Variants in BCL6 observed in about 807,000 individuals in gnomAD.
The protein encoded by BCL6 is BCL6 transcription repressor.
Under a neutral mutation model 59.5 loss-of-function variants are expected in BCL6, and 7 were observed. That is an observed-to-expected ratio of 0.12 (90% confidence interval 0.07 to 0.22). The LOEUF is 0.22. BCL6 is among the 10% of genes least tolerant of loss of function. BCL6 has a pLI of 1.00. For missense variants in BCL6, 685 were observed against 939.4 expected, an observed-to-expected ratio of 0.73 and a Z score of 3.54; for synonymous variants, 339 against 349.7, an observed-to-expected ratio of 0.97 and a Z score of 0.34.
intron 1 of BCL6, among the ~76,000 whole-genome samples, chr3:187,738,704 C>T (rs1719402785): frequency 6.6e-6 from 1 of 152,220 alleles, no homozygotes; most frequent in Admixed American, 6.5e-5. Flanking sequence ...AGGCCGCAGT[C>T]TGGTCCTAAA....
At chr3:187,737,546 G>T (rs1168242848) in intron 1 of BCL6, 1 of 152,478 alleles carries the variant, frequency 6.6e-6, no homozygotes, top group East Asian at 1.9e-4. Context: ...AGCCCTGCGC[G>T]CCGGGGCAAG....
intron 1 of BCL6, among the ~76,000 whole-genome samples, chr3:187,743,521 CT>C (rs1043797432): frequency 2.0e-5 from 3 of 151,816 alleles, no homozygotes; most frequent in Non-Finnish European, 4.4e-5. Context: ...CACAGAGGGT[CT>C]TTTTTCATTT....
chr3:187,728,405 C>T lies in BCL6; in HGVS notation c.1495G>A (p.Glu499Lys). ...TCAGACTGGGTCTCTCCCATCTCCTCAGGGAACGTGGGGCCAGCGGTGTGG... is the reference window on the plus strand; with the variant it reads ...TCAGACTGGGTCTCTCCCATCTCCTTAGGGAACGTGGGGCCAGCGGTGTGG... ...CLHTAGPTFP[E>K]EMGETQSEYS... Residue 499 changes from glutamate (E) to lysine (K), a missense_variant, in exon 6 of 10, where the codon GAG (glutamate) becomes AAG (lysine). Glu to Lys is a moderately conservative substitution (Grantham distance 56). Around this residue, in one of 7 missense-constraint regions of BCL6, gnomAD observed 207 missense variants for 213.7 expected, o/e 0.97. Transcript: ENST00000406870. 1.9e-6 allele frequency: 3 copies of T among 1,609,710 alleles called. No homozygotes were observed. Among genetic ancestry groups the T allele is most frequent in the Non-Finnish European group, 2.5e-6 (3 of 1,178,144 alleles).
chr3:187,731,555 G>A (rs112652680), intron 4 of BCL6, among the ~76,000 whole-genome samples, 154 bp downstream of exon 4: 2,994 of 152,292 alleles, frequency 0.02, 39 homozygotes, highest in Middle Eastern at 0.034. Flanking sequence ...TGGGGCACAA[G>A]AGTTAAGAAG....
chr3:187,734,015 G>A (rs1433686143), intron 2 of BCL6, among the ~76,000 whole-genome samples: 1 of 152,274 alleles, frequency 6.6e-6, no homozygotes, highest in Non-Finnish European at 1.5e-5. Flanking sequence ...TGAGTATGTT[G>A]CAATGGAGAG....
intron 2 of BCL6, 168 bp downstream of exon 2, chr3:187,734,701 A>C (rs1005540286): frequency 1.0e-4 from 16 of 152,658 alleles, no homozygotes; most frequent in Admixed American, 3.3e-4. Flanking sequence ...GTGGTAAGAC[A>C]GTCTAATACA....
Position 187,729,457 on chromosome 3 carries a change from G to A in BCL6, c.948C>T (p.Phe316=), listed in dbSNP as rs764883977. 6 of 1,609,964 alleles carry A rather than the reference G, an allele frequency of 3.7e-6. No individual in the cohort carries two copies. The highest frequency in any genetic ancestry group is 2.2e-5 in the East Asian group (1 of 44,800). The change falls in exon 5 of 10, where the codon TTC becomes TTT. Residue 316 remains phenylalanine (F), a synonymous_variant. Transcript: ENST00000406870. The surrounding 1 kb of genome is among the most constrained non-coding windows in gnomAD (Gnocchi z 5.6). ...GGTTCAGGGGTGCATTGGGGGGCTC[G>A]AAATGCAGGGCAATCTCATCTTCCG... The part of the protein sequence containing the change: ...PSSEDEIALH[F]EPPNAPLNRK...
intron 1 of BCL6, among the ~76,000 whole-genome samples, chr3:187,744,492 A>G (rs536243843): frequency 2.0e-5 from 3 of 152,098 alleles, no homozygotes; most frequent in Admixed American, 1.3e-4. Flanking sequence ...AGGGAACACC[A>G]AAACACTCGG....
Position 187,724,927 on chromosome 3 carries a change from A to G in BCL6, c.1977+14T>C. On this transcript the variant is annotated intron_variant, in intron 9 of 9. Coordinates refer to ENST00000406870, the MANE Select transcript of BCL6 (RefSeq NM_001706.5). Reference sequence around the variant, plus strand: ...CCCCGCAGGTCAGAGAGCGGCCTCAAGAGGCTTACGTACATGGTAAGGTTT... The same window carrying G: ...CCCCGCAGGTCAGAGAGCGGCCTCAGGAGGCTTACGTACATGGTAAGGTTT... 1.2e-6 allele frequency: 2 copies of G among 1,614,140 alleles called. No individual in the cohort carries two copies. The highest frequency in any genetic ancestry group is 8.5e-7 in the Non-Finnish European group (1 of 1,180,008).
chr3:187,728,149 A>C (rs915357216), intron 6 of BCL6, among the ~76,000 whole-genome samples: 9 of 152,208 alleles, frequency 5.9e-5, no homozygotes, highest in Non-Finnish European at 1.3e-4. Context: ...ACCCCAGATC[A>C]ACTCTAAAAC....
rs1327801709 is a variant in BCL6, at chr3:187,731,909, A to C, written c.183T>G (p.Phe61Leu). ...TAAGGTTGCATTTCAACTGGTCTGT[A>C]AAGATGCTATAGAACAGGCCACTGT... ...MACSGLFYSI[F>L]TDQLKCNLSV... The change falls in exon 4 of 10, where the codon TTT (phenylalanine) becomes TTG (leucine). Residue 61 changes from phenylalanine (F) to leucine (L), a missense_variant. Coordinates refer to ENST00000406870, the MANE Select transcript of BCL6 (RefSeq NM_001706.5). 6.2e-7 allele frequency: 1 copy of C among 1,613,950 alleles called. No homozygotes were observed. The highest frequency in any genetic ancestry group is 8.5e-7 in the Non-Finnish European group (1 of 1,179,942).
At position 187,728,296 on chromosome 3, in the gene BCL6, A is replaced by C. The variant is rs1249426764; in HGVS notation, c.1540+64T>G. On this transcript the variant is annotated intron_variant, in intron 6 of 9. Transcript: ENST00000406870. ...CAACAGCATAAGTAAAATGGAGCAC[A>C]AAACCTATGGAGCAGAGGGGCCTTC... 2.1e-6 allele frequency: 3 copies of C among 1,448,970 alleles called. No homozygotes were observed. The African/African-American group carries it at 4.3e-5, about 21-fold the overall frequency. The allele number at this position is 1,448,970 out of a possible 1,614,324, so 89.8% of individuals were successfully genotyped here. A position where few individuals can be genotyped will look rare whatever the true frequency, so the allele number is the denominator to read the frequency against.
intron 1 of BCL6, among the ~76,000 whole-genome samples, chr3:187,743,994 G>C (rs567917029): frequency 1.3e-5 from 2 of 152,248 alleles, no homozygotes; most frequent in Admixed American, 6.5e-5. Context: ...CCTGAGTCTT[G>C]CACATAAGGA....
Position 187,725,031 on chromosome 3 carries a change from G to A in BCL6, c.1887C>T (p.Pro629=). The A allele has an allele frequency of 6.2e-7, 1 of 1,614,230 alleles. No homozygotes were observed. Among genetic ancestry groups the A allele is most frequent in the Non-Finnish European group, 8.5e-7 (1 of 1,180,038 alleles). Residue 629 remains proline, a synonymous_variant, in exon 9 of 10, where the codon CCC becomes CCT. Coordinates refer to ENST00000406870, the MANE Select transcript of BCL6 (RefSeq NM_001706.5). This position sits in a 1 kb window ranked among gnomAD's most constrained non-coding sequence, Gnocchi z 4.7. ...GGGTGCCACAGATTTCACAGGGATA[G>A]GGCTTCTCACCAGTGTGGATAAGCA... is the stretch of plus-strand genomic sequence containing the variant. ...AHVLIHTGEK[P]YPCEICGTRF...
intron 1 of BCL6, among the ~76,000 whole-genome samples, chr3:187,743,701 G>A (rs1711708944): frequency 6.6e-6 from 1 of 151,922 alleles, no homozygotes; most frequent in Non-Finnish European, 1.5e-5. Flanking sequence ...ATCCGGCAGC[G>A]GGGTGGCCCC....
chr3:187,726,436 T>C (rs1427632221), intron 7 of BCL6, among the ~76,000 whole-genome samples: 1 of 152,250 alleles, frequency 6.6e-6, no homozygotes, highest in Non-Finnish European at 1.5e-5. Flanking sequence ...TCTATTTGTC[T>C]TTCCCAGACT....
At chr3:187,733,940 G>A (rs1256477224) in intron 2 of BCL6, 8 of 526,612 alleles carry the variant, frequency 1.5e-5, no homozygotes, top group Non-Finnish European at 2.8e-5. Context: ...GAAAAGCAAA[G>A]GGAATGAATA....
chr3:187,731,978 G>A (rs750167716), intron 3 of BCL6, 48 bp from the exon 4 acceptor site: 2 of 1,515,452 alleles, frequency 1.3e-6, no homozygotes, highest in Non-Finnish European at 1.8e-6. Context: ...TCGAATCTGT[G>A]ATCCCTTACA....
chr3:187,732,715 T>C (rs1029620645), intron 3 of BCL6, among the ~76,000 whole-genome samples: 2 of 152,252 alleles, frequency 1.3e-5, no homozygotes, highest in East Asian at 3.8e-4. Context: ...CATGTCTACC[T>C]TATAGTGTTG....
Sources: gnomAD v4.1 joint callset for allele counts (sites outside exome capture counted in the v4.1 genomes callset) on GRCh38, gnomAD v4.1.1 for gene constraint, gnomAD v4.1.1 regional missense constraint, Gnocchi (gnomAD v3.1) non-coding constraint, MANE v1.5 for transcripts, NCBI Gene and HGNC (gene_info 2026-07-23, HGNC 2026-07-21) for gene names.